The following PPP4R1 variants were observed in gnomAD, a reference collection of about 807,000 sequenced individuals.
PPP4R1 encodes the protein serine/threonine-protein phosphatase 4 regulatory subunit 1.
PPP4R1 carries 42 observed loss-of-function variants against 111.2 expected under a neutral mutation model. That is an observed-to-expected ratio of 0.38 (90% CI 0.29 to 0.49). The LOEUF is 0.49. PPP4R1 is among the 20% of genes least tolerant of loss of function. PPP4R1 has a pLI of 0.97. For missense variants in PPP4R1, 1,012 were observed against 1,161.6 expected, an observed-to-expected ratio of 0.87 and a Z score of 1.87; for synonymous variants, 409 against 405.5, an observed-to-expected ratio of 1.01 and a Z score of -0.10.
chr18:9,557,480 T>C (rs2145021802), intron 14 of PPP4R1, 98 bp from the exon 15 acceptor site: 1 of 1,105,654 alleles, frequency 9.0e-7, no homozygotes, highest in Non-Finnish European at 1.2e-6. Flanking sequence ...TGAATGTTAC[T>C]AACCTCAAAA....
chr18:9,562,950 A>T, intron 12 of PPP4R1: 1 of 997,032 alleles, frequency 1.0e-6, no homozygotes, highest in Non-Finnish European at 1.2e-6. Context: ...AGATAATGTC[A>T]CTGGCCCTCC....
At chr18:9,578,938 T>C (rs962742153) in intron 9 of PPP4R1, among the ~76,000 whole-genome samples, 3 of 152,218 alleles carry the variant, frequency 2.0e-5, no homozygotes, top group African/African-American at 7.2e-5. Context: ...CATAGAAAAC[T>C]TAATTTATCT....
chr18:9,604,541 T>G (rs973434748), intron 2 of PPP4R1, among the ~76,000 whole-genome samples: 1 of 152,174 alleles, frequency 6.6e-6, no homozygotes, highest in African/African-American at 2.4e-5. Context: ...CTTTTCTGTC[T>G]TATGTGGTTT....
At chr18:9,565,808 A>C (rs1167092619) in intron 11 of PPP4R1, among the ~76,000 whole-genome samples, 1 of 152,268 alleles carries the variant, frequency 6.6e-6, no homozygotes, top group Non-Finnish European at 1.5e-5. Context: ...TCCATAACAT[A>C]GAAGTGCAAG....
chr18:9,562,941 G>A (rs2066702259), intron 12 of PPP4R1: 4 of 996,812 alleles, frequency 4.0e-6, no homozygotes, highest in South Asian at 8.9e-5. Context: ...CCAGAGTCCA[G>A]ATAATGTCAC....
At chr18:9,600,951 A>T (rs1418692706) in intron 2 of PPP4R1, among the ~76,000 whole-genome samples, 1 of 152,178 alleles carries the variant, frequency 6.6e-6, no homozygotes, top group Non-Finnish European at 1.5e-5. Flanking sequence ...GACAAGGAGT[A>T]TTACTAGAAA....
chr18:9,586,201 A>T (rs956422855), intron 6 of PPP4R1, among the ~76,000 whole-genome samples: 12 of 151,902 alleles, frequency 7.9e-5, no homozygotes, highest in African/African-American at 2.9e-4. Flanking sequence ...TATGGGAGCC[A>T]TGGAATATAA....
upstream of PPP4R1, among the ~76,000 whole-genome samples, chr18:9,615,920 G>T (rs2145403555): frequency 6.6e-6 from 1 of 152,298 alleles, no homozygotes; most frequent in Admixed American, 6.5e-5. Flanking sequence ...AATTCAGTCA[G>T]ATATTACTAA....
chr18:9,598,623 A>G (rs2067329050), intron 2 of PPP4R1, among the ~76,000 whole-genome samples: 1 of 152,196 alleles, frequency 6.6e-6, no homozygotes, highest in Admixed American at 6.5e-5. Context: ...GACATCATCA[A>G]CAGCAGACAT....
intron 15 of PPP4R1, among the ~76,000 whole-genome samples, chr18:9,555,960 C>T (rs879945311): frequency 3.4e-5 from 5 of 149,244 alleles, no homozygotes; most frequent in Admixed American, 6.7e-5. Flanking sequence ...CACGGTGAAA[C>T]CCCATCTCTA....
At position 9,563,515 on chromosome 18, in the gene PPP4R1, A is replaced by C; in HGVS notation, c.1609T>G (p.Ser537Ala). 1 of 1,608,350 alleles carries C rather than the reference A, an allele frequency of 6.2e-7. No homozygotes were observed. The highest frequency in any genetic ancestry group is 8.5e-7 in the Non-Finnish European group (1 of 1,175,972). The change falls in exon 12 of 20, where the codon TCC becomes GCC. Residue 537 changes from serine (S) to alanine (A), a missense_variant. Transcript: ENST00000400556. ...VEVLSAALRA[S>A]SLDAHEETIS... ...GTCTCTTCATGTGCATCCAGGCTGG[A>C]AGCACGTAGTGCAGCGGACAGCACT...
chr18:9,614,284 A>G lies in PPP4R1; in HGVS notation c.8-14T>C. The G allele has an allele frequency of 7.7e-7, 1 of 1,292,506 alleles. No individual in the cohort carries two copies. The highest frequency in any genetic ancestry group is 2.1e-5 in the South Asian group (1 of 47,848). 80.1% of individuals were successfully genotyped at this position (1,292,506 alleles called of 1,614,324 possible). A position where few individuals can be genotyped will look rare whatever the true frequency, so the allele number is the denominator to read the frequency against. On this transcript the variant is annotated splice_polypyrimidine_tract_variant and intron_variant, in intron 1 of 19. Coordinates refer to ENST00000400556, the MANE Select transcript of PPP4R1 (RefSeq NM_001042388.3). The surrounding 1 kb of genome is among the most constrained non-coding windows in gnomAD (Gnocchi z 4.1). ...GCAGCGAGAGGTCTGCGCCGAGGGG[A>G]GAGAAGAAAGGCCCGGTCAGCGCCC...
At chr18:9,604,402 C>T (rs2067443773) in intron 2 of PPP4R1, among the ~76,000 whole-genome samples, 1 of 152,134 alleles carries the variant, frequency 6.6e-6, no homozygotes, top group Non-Finnish European at 1.5e-5. Context: ...GCCTCCCAGG[C>T]AGTCTGAATT....
At chr18:9,593,576 G>C (rs899870832) in intron 4 of PPP4R1, among the ~76,000 whole-genome samples, 192 bp downstream of exon 4, 3 of 152,116 alleles carry the variant, frequency 2.0e-5, no homozygotes, top group Non-Finnish European at 4.4e-5. Flanking sequence ...TAAACTAAAT[G>C]AGCCCACTGT....
chr18:9,613,943 G>A (rs2067632752), intron 2 of PPP4R1: 1 of 239,596 alleles, frequency 4.2e-6, no homozygotes, highest in Non-Finnish European at 8.1e-6. Context: ...CCGCGCCACT[G>A]CTGAGCCCGC....
chr18:9,601,018 G>A (rs1004157152), intron 2 of PPP4R1, among the ~76,000 whole-genome samples: 1 of 152,092 alleles, frequency 6.6e-6, no homozygotes, highest in African/African-American at 2.4e-5. Context: ...CATAACTAAA[G>A]TTTACAGATT....
At chr18:9,577,262 T>C in intron 9 of PPP4R1, 71 bp from the exon 10 acceptor site, 2 of 1,421,468 alleles carry the variant, frequency 1.4e-6, no homozygotes, top group Middle Eastern at 1.8e-4. Context: ...ACATTATGTA[T>C]ATTTAATAAT....
chr18:9,615,837 A>T (rs1488602015), upstream of PPP4R1, among the ~76,000 whole-genome samples: 3 of 152,228 alleles, frequency 2.0e-5, no homozygotes, highest in Admixed American at 6.5e-5. Context: ...GATTTAAGAG[A>T]CTAAGGAATC....
intron 9 of PPP4R1, among the ~76,000 whole-genome samples, chr18:9,579,140 G>A (rs2066985323): frequency 6.6e-6 from 1 of 152,142 alleles, no homozygotes; most frequent in East Asian, 1.9e-4. Flanking sequence ...AATCAGGACT[G>A]AAGTCCAATT....
Sources: allele counts gnomAD v4.1 joint callset (sites outside exome capture counted in the v4.1 genomes callset), GRCh38; gene constraint gnomAD v4.1.1; non-coding constraint Gnocchi (gnomAD v3.1); transcripts MANE v1.5; gene names NCBI Gene and HGNC (gene_info 2026-07-23, HGNC 2026-07-21).